Variants in ENTREP2 observed in about 807,000 individuals in gnomAD.
ENTREP2 encodes the protein protein ENTREP2.
the ENTREP2 span, chr15:29,266,344 T>A: frequency 6.6e-6 from 1 of 152,156 alleles, no homozygotes; most frequent in Non-Finnish European, 1.5e-5. Flanking sequence ...AAAACAAAAC[T>A]GTATAAAATG....
chr15:29,637,633 C>T, the ENTREP2 span, among the ~76,000 whole-genome samples: 1 of 152,168 alleles, frequency 6.6e-6, no homozygotes, highest in Non-Finnish European at 1.5e-5. Flanking sequence ...TTCATAACCT[C>T]AAGGGACAGA....
the ENTREP2 span, among the ~76,000 whole-genome samples, chr15:29,359,735 T>C: frequency 6.6e-6 from 1 of 152,116 alleles, no homozygotes; most frequent in Non-Finnish European, 1.5e-5. Context: ...ATTCTATCTA[T>C]TGTTGAACCA....
chr15:29,261,407 G>C, the ENTREP2 span, among the ~76,000 whole-genome samples: 1 of 152,080 alleles, frequency 6.6e-6, no homozygotes, highest in Non-Finnish European at 1.5e-5. Flanking sequence ...AGCCAGGCAT[G>C]GTGGCGCTTG....
At chr15:29,485,483 C>T in the ENTREP2 span, among the ~76,000 whole-genome samples, 1 of 152,116 alleles carries the variant, frequency 6.6e-6, no homozygotes, top group African/African-American at 2.4e-5. Flanking sequence ...GCACTCAGGG[C>T]AGAAAAGTGG....
the ENTREP2 span, among the ~76,000 whole-genome samples, chr15:29,402,043 T>C: frequency 6.6e-6 from 1 of 152,110 alleles, no homozygotes; most frequent in Non-Finnish European, 1.5e-5. Context: ...TCTGTAATAT[T>C]AACCTTTAAT....
chr15:29,136,500 C>T, the ENTREP2 span: 8 of 1,546,992 alleles, frequency 5.2e-6, no homozygotes. Flanking sequence ...AGGTGGAGGC[C>T]CCTGAAAAGA....
the ENTREP2 span, among the ~76,000 whole-genome samples, chr15:29,246,919 C>T: frequency 6.8e-6 from 1 of 147,560 alleles, no homozygotes; most frequent in African/African-American, 2.5e-5. Context: ...GAGTAGCCCA[C>T]GTGTGTAAAA....
At chr15:29,239,625 G>A in the ENTREP2 span, among the ~76,000 whole-genome samples, 1 of 152,198 alleles carries the variant, frequency 6.6e-6, no homozygotes, top group Non-Finnish European at 1.5e-5. Context: ...AGGATAAACA[G>A]CTGACAAGGA....
chr15:29,549,807 T>C, the ENTREP2 span, among the ~76,000 whole-genome samples: 1 of 152,088 alleles, frequency 6.6e-6, no homozygotes. Flanking sequence ...GGGCATTGCT[T>C]CTAGAAACTC....
chr15:29,475,182 G>C, the ENTREP2 span, among the ~76,000 whole-genome samples: 1 of 152,122 alleles, frequency 6.6e-6, no homozygotes, highest in African/African-American at 2.4e-5. Flanking sequence ...TGGGCCCCCA[G>C]TCCTCACTGC....
At chr15:29,125,931 G>A in the ENTREP2 span, among the ~76,000 whole-genome samples, 1 of 152,206 alleles carries the variant, frequency 6.6e-6, no homozygotes, top group African/African-American at 2.4e-5. Flanking sequence ...CATGCCCAGA[G>A]CTATCGTTGG....
the ENTREP2 span, among the ~76,000 whole-genome samples, chr15:29,592,248 C>T: frequency 6.6e-6 from 1 of 152,200 alleles, no homozygotes. Context: ...TCATCTGTGC[C>T]AAAATCAGGC....
the ENTREP2 span, among the ~76,000 whole-genome samples, chr15:29,391,918 G>A: frequency 1.8e-4 from 28 of 152,272 alleles, no homozygotes; most frequent in African/African-American, 5.3e-4. Context: ...TCCGCCTCCC[G>A]GGTTCACGCC....
chr15:29,490,647 AG>A, the ENTREP2 span, among the ~76,000 whole-genome samples: 1 of 152,200 alleles, frequency 6.6e-6, no homozygotes, highest in East Asian at 1.9e-4. Flanking sequence ...TAGGTGTAAA[AG>A]TTCTCCAAGT....
At chr15:29,548,453 TA>T in the ENTREP2 span, among the ~76,000 whole-genome samples, 107 of 134,130 alleles carry the variant, frequency 8.0e-4, 1 homozygote, top group East Asian at 1.5e-3. Flanking sequence ...AGATTCTGCC[TA>T]AAAAAAAAAA....
At chr15:29,434,757 G>A in the ENTREP2 span, among the ~76,000 whole-genome samples, 1 of 152,258 alleles carries the variant, frequency 6.6e-6, no homozygotes, top group Admixed American at 6.5e-5. Context: ...GCAGGGCAGG[G>A]CGGTGGCAGT....
the ENTREP2 span, among the ~76,000 whole-genome samples, chr15:29,272,508 G>A: frequency 6.6e-6 from 1 of 152,246 alleles, no homozygotes; most frequent in African/African-American, 2.4e-5. Context: ...TCAACTGAAG[G>A]ATGACGAGGT....
chr15:29,387,101 T>C, the ENTREP2 span, among the ~76,000 whole-genome samples: 1 of 152,152 alleles, frequency 6.6e-6, no homozygotes, highest in East Asian at 1.9e-4. Context: ...ATGCTTCCAG[T>C]TTTTGCCCAT....
chr15:29,513,808 G>T, the ENTREP2 span, among the ~76,000 whole-genome samples: 2 of 152,204 alleles, frequency 1.3e-5, no homozygotes, highest in Admixed American at 6.5e-5. Context: ...CCACATCTCT[G>T]CAGTATGGCC....
Sources: gnomAD v4.1 joint callset for allele counts (sites outside exome capture counted in the v4.1 genomes callset) on GRCh38, gnomAD v4.1.1 for gene constraint, MANE v1.5 for transcripts, NCBI Gene and HGNC (gene_info 2026-07-23, HGNC 2026-07-21) for gene names.